The following PCDH15 variants were observed in gnomAD, a reference collection of about 807,000 sequenced individuals.
The protein encoded by PCDH15 is protocadherin related 15, also known as protocadherin-15.
Under a neutral mutation model 178.5 loss-of-function variants are expected in PCDH15, and 129 were observed. That is an observed-to-expected ratio of 0.72 (90% CI 0.63 to 0.84). The LOEUF (loss-of-function observed/expected upper bound fraction) is 0.84, where lower values mean the gene tolerates loss of function less well. PCDH15 is among the 40% of genes least tolerant of loss of function. The pLI, the probability that PCDH15 is intolerant of heterozygous loss-of-function variation, is 0.00. For missense variants in PCDH15, 2,230 were observed against 2,099.9 expected (o/e 1.06, Z -1.21); for synonymous variants, 800 against 732.0 (o/e 1.09, Z -1.50).
intron 18 of PCDH15, among the ~76,000 whole-genome samples, chr10:54,052,965 A>G (rs2093810761): frequency 6.6e-6 from 1 of 152,156 alleles, no homozygotes; most frequent in Non-Finnish European, 1.5e-5. Context: ...CATGTGAAGA[A>G]GGACACATTT....
chr10:54,348,779 T>C (rs1361209990), intron 5 of PCDH15, among the ~76,000 whole-genome samples: 2 of 152,210 alleles, frequency 1.3e-5, no homozygotes, highest in Non-Finnish European at 2.9e-5. Context: ...TTATTGAATT[T>C]ATTAGTTCAA....
intron 1 of PCDH15, among the ~76,000 whole-genome samples, chr10:55,191,924 C>G (rs1334911262): frequency 6.6e-6 from 1 of 151,800 alleles, no homozygotes; most frequent in Non-Finnish European, 1.5e-5. Context: ...CAAACCACTG[C>G]AAATCCCGTT....
At chr10:53,998,221 A>G (rs1393562423) in intron 20 of PCDH15, among the ~76,000 whole-genome samples, 2 of 152,156 alleles carry the variant, frequency 1.3e-5, no homozygotes, top group Admixed American at 6.5e-5. Context: ...TAAAACCCAT[A>G]ATATTTGTTT....
At position 54,030,809 on chromosome 10, in the gene PCDH15, CTATT is replaced by C. The variant is rs566486330; in HGVS notation, c.2221-7616_2221-7613del. Among the ~76,000 whole-genome samples, 372 of 152,022 alleles carry C rather than the reference CTATT, an allele frequency of 2.4e-3. 2 individuals are homozygous for C. The highest frequency in any genetic ancestry group is 8.3e-3 in the African/African-American group (346 of 41,476). On this transcript the variant is annotated intron_variant, in intron 18 of 37. Coordinates refer to ENST00000644397, the MANE Select transcript of PCDH15 (RefSeq NM_001384140.1). ...AACTCTGTGTTTTAGTCAAAGGAGT[CTATT>C]TATGGTATGAATCACCACCAAGAAA...
chr10:54,521,845 T>C (rs1334986914), intron 3 of PCDH15, among the ~76,000 whole-genome samples: 2 of 151,968 alleles, frequency 1.3e-5, no homozygotes, highest in Non-Finnish European at 2.9e-5. Flanking sequence ...ATCCCAGCAC[T>C]TTGGGAGGCC....
At chr10:54,032,305 T>C (rs891092530) in intron 18 of PCDH15, among the ~76,000 whole-genome samples, 2 of 152,036 alleles carry the variant, frequency 1.3e-5, no homozygotes, top group African/African-American at 2.4e-5. Context: ...CTGAAGCTCA[T>C]TGTATGTTTC....
intron 2 of PCDH15, among the ~76,000 whole-genome samples, chr10:55,457,869 A>G (rs1839589682): frequency 6.6e-6 from 1 of 152,074 alleles, no homozygotes; most frequent in African/African-American, 2.4e-5. Context: ...ATGTGTCACT[A>G]TATTAATAAG....
At chr10:55,182,507 G>A (rs1041472362) in intron 1 of PCDH15, among the ~76,000 whole-genome samples, 1 of 151,912 alleles carries the variant, frequency 6.6e-6, no homozygotes, top group Non-Finnish European at 1.5e-5. Flanking sequence ...ACTTGGACAG[G>A]TTACTTTACC....
At chr10:54,133,568 C>T (rs1252949763) in intron 14 of PCDH15, among the ~76,000 whole-genome samples, 1 of 152,068 alleles carries the variant, frequency 6.6e-6, no homozygotes, top group Non-Finnish European at 1.5e-5. Flanking sequence ...AAAATCTTCT[C>T]TAAAAAGCAA....
chr10:54,183,662 A>G, intron 12 of PCDH15, 69 bp from the exon 13 acceptor site: 1 of 1,566,104 alleles, frequency 6.4e-7, no homozygotes, highest in Admixed American at 1.7e-5. Flanking sequence ...GTTTGCTCTT[A>G]CAGTTTAACA....
intron 2 of PCDH15, among the ~76,000 whole-genome samples, chr10:55,582,628 A>ATATATATATTTTTTTTTTTTTTT (rs780312007): frequency 1.4e-5 from 1 of 69,032 alleles, no homozygotes; most frequent in African/African-American, 6.6e-5. Flanking sequence ...ATATATATAT[A>ATATATATATTTTTTTTTTTTTTT]TTTTTTTTTT....
chr10:53,853,520 T>C (rs77618503), intron 28 of PCDH15, among the ~76,000 whole-genome samples: 4,820 of 152,148 alleles, frequency 0.032, 248 homozygotes, highest in African/African-American at 0.11. Context: ...AAATCTTACA[T>C]CTGATAAGGG....
Position 53,851,802 on chromosome 10 carries a change from C to G in PCDH15, c.3806+5373G>C, listed in dbSNP as rs937971476. ...CGTAATATATATCCTGGCTACATTT[C>G]TAATGTAGGTTTTGTAACCTTAATT... On this transcript the variant is annotated intron_variant, in intron 28 of 37. Coordinates refer to ENST00000644397, the MANE Select transcript of PCDH15 (RefSeq NM_001384140.1). Among the ~76,000 whole-genome samples, 13 of 148,652 alleles carry G rather than the reference C, an allele frequency of 8.7e-5. No homozygotes were observed. The East Asian group carries it at 1.4e-3, about 16-fold the overall frequency.
intron 2 of PCDH15, among the ~76,000 whole-genome samples, chr10:54,566,033 G>A (rs1270825340): frequency 2.0e-5 from 3 of 152,166 alleles, no homozygotes; most frequent in Non-Finnish European, 2.9e-5. Flanking sequence ...GCAGCGAGCT[G>A]AGATCGTGCC....
intron 8 of PCDH15, among the ~76,000 whole-genome samples, chr10:54,268,412 A>G (rs1302236116): frequency 6.6e-6 from 1 of 151,982 alleles, no homozygotes; most frequent in Non-Finnish European, 1.5e-5. Context: ...AACAAAAAAC[A>G]AAAATTGACA....
At position 54,236,863 on chromosome 10, in the gene PCDH15, C is replaced by A. The variant is rs150450873; in HGVS notation, c.945G>T (p.Pro315=). 15 of 1,613,234 alleles carry A rather than the reference C, an allele frequency of 9.3e-6. No homozygotes were observed. The highest frequency in any genetic ancestry group is 3.3e-5 in the Admixed American group (2 of 59,950). Residue 315 remains proline (P), a synonymous_variant, in exon 9 of 38, where the codon CCG becomes CCT. Transcript: ENST00000644397. ...QAIDQDRNIQ[P]PSDRPGILYS... Reference sequence around the variant, plus strand: ...AGAGGATTCCTGGCCTATCTGATGGCGGTTGAATATTCCGGTCCTGATCAA... The same window carrying A: ...AGAGGATTCCTGGCCTATCTGATGGAGGTTGAATATTCCGGTCCTGATCAA...
intron 2 of PCDH15, among the ~76,000 whole-genome samples, chr10:54,955,998 T>G (rs1319504735): frequency 6.6e-6 from 1 of 151,394 alleles, no homozygotes; most frequent in East Asian, 1.9e-4. Context: ...TGAATTTCAC[T>G]TTGAAATTAT....
intron 2 of PCDH15, among the ~76,000 whole-genome samples, chr10:54,632,438 A>G (rs1318826616): frequency 6.6e-6 from 1 of 152,140 alleles, no homozygotes; most frequent in Non-Finnish European, 1.5e-5. Flanking sequence ...TTGAAAGCAT[A>G]AAACATAAAA....
chr10:54,761,572 A>T (rs1426004468), intron 1 of PCDH15, among the ~76,000 whole-genome samples: 7 of 152,072 alleles, frequency 4.6e-5, no homozygotes, highest in Admixed American at 2.6e-4. Context: ...AATCCAAGCT[A>T]CTCGGGAGGC....
Sources: gnomAD v4.1 joint callset for allele counts (sites outside exome capture counted in the v4.1 genomes callset) on GRCh38, gnomAD v4.1.1 for gene constraint, MANE v1.5 for transcripts, NCBI Gene and HGNC (gene_info 2026-07-23, HGNC 2026-07-21) for gene names.